Variants in FGGY observed in about 807,000 individuals in gnomAD.
FGGY encodes FGGY carbohydrate kinase domain-containing protein.
Under a neutral mutation model 71.3 loss-of-function variants are expected in FGGY, and 72 were observed. The ratio of observed to expected loss-of-function variants is 1.01; its 90% CI spans 0.84 to 1.23. The LOEUF (loss-of-function observed/expected upper bound fraction) is 1.23. Among genes scored for constraint, FGGY ranks in the 50% most tolerant of loss-of-function variants. The pLI, the probability that FGGY is intolerant of heterozygous loss-of-function variation, is 0.00. For missense variants in FGGY, 668 were observed against 682.3 expected (o/e 0.98, Z 0.23); for synonymous variants, 251 against 250.3 (o/e 1.00, Z -0.02).
intron 7 of FGGY, among the ~76,000 whole-genome samples, chr1:59,532,070 G>C (rs2095160364): frequency 6.6e-6 from 1 of 152,188 alleles, no homozygotes; most frequent in African/African-American, 2.4e-5. Flanking sequence ...CCATATGCTG[G>C]TGGTATTTGA....
At chr1:59,733,870 C>T (rs2098073377) in intron 14 of FGGY, among the ~76,000 whole-genome samples, 1 of 152,234 alleles carries the variant, frequency 6.6e-6, no homozygotes, top group Non-Finnish European at 1.5e-5. Flanking sequence ...CTAACACCCT[C>T]ATCTGGTCTG....
In FGGY at chr1:59,377,870, A is replaced by G. The variant is rs371713740; in HGVS notation, c.466-879A>G. ...CCCAGCAGTAAGAAAAAGCCTGGCC[A>G]TTTTGCAATACAGAGAACCAAATCT... is the stretch of plus-strand genomic sequence containing the variant. On this transcript the variant is annotated intron_variant, in intron 4 of 15. Transcript: ENST00000303721. 2.6e-5 allele frequency among the ~76,000 whole-genome samples: 4 copies of G among 152,272 alleles called. No individual in the cohort carries two copies. The East Asian group carries it at 7.7e-4, about 29-fold the overall frequency.
chr1:59,440,963 G>T (rs1557933596), intron 5 of FGGY, among the ~76,000 whole-genome samples: 1 of 151,908 alleles, frequency 6.6e-6, no homozygotes, highest in Non-Finnish European at 1.5e-5. Flanking sequence ...TCTATCCTGG[G>T]TTCCTCAGGA....
intron 9 of FGGY, among the ~76,000 whole-genome samples, chr1:59,619,791 C>T (rs374877588): frequency 1.3e-5 from 2 of 151,972 alleles, no homozygotes; most frequent in South Asian, 2.1e-4. Context: ...CTTACTGCTG[C>T]CTACTGTGTT....
intron 14 of FGGY, among the ~76,000 whole-genome samples, chr1:59,699,804 G>A (rs1004963063): frequency 1.1e-4 from 17 of 152,170 alleles, no homozygotes; most frequent in Non-Finnish European, 2.1e-4. Flanking sequence ...CATGTCCCGC[G>A]TTGATTGCAG....
At chr1:59,337,896 T>C (rs1334827648) in intron 2 of FGGY, among the ~76,000 whole-genome samples, 1 of 152,222 alleles carries the variant, frequency 6.6e-6, no homozygotes, top group Non-Finnish European at 1.5e-5. Flanking sequence ...AAGTATAAGG[T>C]TGAATAGAAG....
chr1:59,487,790 C>T (rs985581634), intron 6 of FGGY, among the ~76,000 whole-genome samples: 9 of 152,202 alleles, frequency 5.9e-5, no homozygotes, highest in East Asian at 3.9e-4. Flanking sequence ...CTCTTCTCAC[C>T]GCTCCCACTC....
chr1:59,641,138 T>A lies in FGGY; in HGVS notation c.1221+2763T>A, dbSNP rs1178564904. 5.9e-5 allele frequency: 36 copies of A among 612,230 alleles called. No individual in the cohort carries two copies. The East Asian group carries it at 9.7e-4, about 17-fold the overall frequency. The allele number at this position is 612,230 out of a possible 1,614,324, so 37.9% of individuals were successfully genotyped here. ...GTTTGAGGCCAAGGGAATCATAGTA[T>A]GTGCAGTATTCTAGAGGGAAGAGAG... is the stretch of plus-strand genomic sequence containing the variant. On this transcript the variant is annotated intron_variant, in intron 11 of 15. Coordinates refer to ENST00000303721, the MANE Select transcript of FGGY (RefSeq NM_018291.5).
chr1:59,735,182 C>T (rs1384520067), intron 14 of FGGY, among the ~76,000 whole-genome samples: 3 of 152,152 alleles, frequency 2.0e-5, no homozygotes, highest in Admixed American at 1.3e-4. Flanking sequence ...AAAACCTTCA[C>T]TCTCCCCCTC....
intron 5 of FGGY, among the ~76,000 whole-genome samples, chr1:59,456,115 C>T (rs1268657662): frequency 1.3e-5 from 2 of 152,124 alleles, no homozygotes; most frequent in Non-Finnish European, 2.9e-5. Context: ...ATAATTAACA[C>T]CCATGAACCC....
intron 12 of FGGY, among the ~76,000 whole-genome samples, chr1:59,666,246 T>C (rs762778655): frequency 2.0e-5 from 3 of 152,166 alleles, no homozygotes; most frequent in Non-Finnish European, 2.9e-5. Context: ...GACTGTGACA[T>C]CTCCCCAGAT....
chr1:59,352,014 G>A (rs2053406050), intron 4 of FGGY, among the ~76,000 whole-genome samples: 1 of 152,088 alleles, frequency 6.6e-6, no homozygotes, highest in Non-Finnish European at 1.5e-5. Context: ...AAGTTTATGT[G>A]TTTCAGGTTG....
chr1:59,458,167 T>A (rs1459052468), intron 6 of FGGY, among the ~76,000 whole-genome samples: 1 of 152,248 alleles, frequency 6.6e-6, no homozygotes, highest in African/African-American at 2.4e-5. Context: ...GTAAAATGTA[T>A]ATGCCCTCCA....
chr1:59,530,808 G>A (rs1047086040), intron 7 of FGGY, among the ~76,000 whole-genome samples: 3 of 152,198 alleles, frequency 2.0e-5, no homozygotes, highest in Non-Finnish European at 4.4e-5. Context: ...AGAGATATAT[G>A]TGGGGACAAA....
At chr1:59,636,440 T>C (rs1465253187) in intron 10 of FGGY, among the ~76,000 whole-genome samples, 1 of 152,048 alleles carries the variant, frequency 6.6e-6, no homozygotes, top group Admixed American at 6.5e-5. Flanking sequence ...GCTAACACGG[T>C]GAAGCCCCGT....
chr1:59,614,342 A>G (rs930767281), intron 9 of FGGY, among the ~76,000 whole-genome samples: 2 of 152,248 alleles, frequency 1.3e-5, no homozygotes, highest in Non-Finnish European at 2.9e-5. Flanking sequence ...GACTGGTTCA[A>G]CATATGCAAA....
At chr1:59,599,461 G>A (rs933150349) in intron 8 of FGGY, among the ~76,000 whole-genome samples, 9 of 151,888 alleles carry the variant, frequency 5.9e-5, no homozygotes, top group African/African-American at 7.2e-5. Flanking sequence ...TTGGGAGGCC[G>A]AGACGGGCGG....
chr1:59,696,679 C>G (rs150622639), intron 14 of FGGY, among the ~76,000 whole-genome samples: 218 of 152,320 alleles, frequency 1.4e-3, no homozygotes, highest in African/African-American at 5.1e-3. Flanking sequence ...ATCTCTCTGT[C>G]TAGCCCCCAG....
chr1:59,586,500 C>T (rs577954407), intron 8 of FGGY, among the ~76,000 whole-genome samples: 1 of 152,090 alleles, frequency 6.6e-6, no homozygotes, highest in African/African-American at 2.4e-5. Flanking sequence ...CACACCGGGG[C>T]CTGTGGTGGG....
Sources: gnomAD v4.1 joint callset for allele counts (sites outside exome capture counted in the v4.1 genomes callset) on GRCh38, gnomAD v4.1.1 for gene constraint, MANE v1.5 for transcripts, NCBI Gene and HGNC (gene_info 2026-07-23, HGNC 2026-07-21) for gene names.